The following BCL2L2 variants were observed in gnomAD, a reference collection of about 807,000 sequenced individuals.
BCL2L2 encodes the protein BCL2 like 2, also known as bcl-2-like protein 2.
A neutral mutation model predicts 14.6 loss-of-function variants in BCL2L2; 6 were observed. The ratio of observed to expected loss-of-function variants is 0.41; its 90% confidence interval spans 0.22 to 0.81. BCL2L2 has a LOEUF of 0.81. BCL2L2 is among the 30% of genes least tolerant of loss of function. The pLI, the probability that BCL2L2 is intolerant of heterozygous loss-of-function variation, is 0.32. For missense variants in BCL2L2, 191 were observed against 260.5 expected (o/e 0.73, Z 1.84); for synonymous variants, 90 against 108.5 (o/e 0.83, Z 1.06).
Position 23,310,779 on chromosome 14 carries a change from A to G in BCL2L2, c.*1814A>G. ...GGGGTTGCCTCAGGAGTCCTTGGGG[A>G]GATGAAGGGGGTGGGGAGCTGAGCA... is the stretch of plus-strand genomic sequence containing the variant. On this transcript the variant is annotated 3_prime_UTR_variant, in exon 4 of 4. Coordinates refer to ENST00000250405, the MANE Select transcript of BCL2L2 (RefSeq NM_004050.5). 1 of 1,194,328 alleles carries G rather than the reference A, an allele frequency of 8.4e-7. No homozygotes were observed. The highest frequency in any genetic ancestry group is 1.5e-5 in the South Asian group (1 of 65,904). The allele number at this position is 1,194,328 out of a possible 1,614,324, so 74.0% of individuals were successfully genotyped here. A position where few individuals can be genotyped will look rare whatever the true frequency, so the allele number is the denominator to read the frequency against.
chr14:23,309,448 T>A lies in BCL2L2; in HGVS notation c.*483T>A. On this transcript the variant is annotated 3_prime_UTR_variant, in exon 4 of 4. Coordinates refer to ENST00000250405, the MANE Select transcript of BCL2L2 (RefSeq NM_004050.5). ...GGACACGCGTGTGCATGTGCACGCA[T>A]GCTGGTGTGCATGCTGGGCTGCCTG... is the stretch of plus-strand genomic sequence containing the variant. The A allele has an allele frequency of 1.0e-6, 1 of 987,674 alleles. No homozygotes were observed. Among genetic ancestry groups the A allele is most frequent in the Non-Finnish European group, 1.2e-6 (1 of 831,424 alleles). The allele number at this position is 987,674 out of a possible 1,614,324, so 61.2% of individuals were successfully genotyped here.
rs879162142 is a variant in BCL2L2 at position 23,307,855 on chromosome 14, G to C, written c.88G>C (p.Gly30Arg). ...GCTGAGGCAGAAGGGTTATGTCTGT[G>C]GAGCTGGCCCCGGGGAGGGCCCAGC... ...YKLRQKGYVCGAGPGEGPAAD... is the reference protein window; with the variant it reads ...YKLRQKGYVCRAGPGEGPAAD... Residue 30 changes from glycine to arginine, a missense_variant, in exon 3 of 4, where the codon GGA becomes CGA. Gly to Arg is a moderately radical substitution (Grantham distance 125). Transcript: ENST00000250405. 1 of 1,609,866 alleles carries C rather than the reference G, an allele frequency of 6.2e-7. No homozygotes were observed. Among genetic ancestry groups the C allele is most frequent in the Non-Finnish European group, 8.5e-7 (1 of 1,178,304 alleles).
In BCL2L2 at chr14:23,311,075, G is replaced by T. The variant is rs1477149169; in HGVS notation, c.*2110G>T. ...AGAGGAGCTGCAGGGACCATGGCCA[G>T]GTTACCAAAATGCCCTGCTCTGAAG... On this transcript the variant is annotated 3_prime_UTR_variant, in exon 4 of 4. Transcript: ENST00000250405. The T allele has an allele frequency of 7.8e-7, 1 of 1,289,356 alleles. No individual in the cohort carries two copies. The highest frequency in any genetic ancestry group is 5.5e-5 in the East Asian group (1 of 18,028). 79.9% of individuals were successfully genotyped at this position (1,289,356 alleles called of 1,614,324 possible). A position where few individuals can be genotyped will look rare whatever the true frequency, so the allele number is the denominator to read the frequency against.
In BCL2L2 at chr14:23,309,650, C is replaced by T; in HGVS notation, c.*685C>T. Reference sequence around the variant, plus strand: ...AGACCGAGGGCTCTGCTGCTTCTTTCCAGAAAGTGATTGGCAAGGCTTTGG... The same window carrying T: ...AGACCGAGGGCTCTGCTGCTTCTTTTCAGAAAGTGATTGGCAAGGCTTTGG... On this transcript the variant is annotated 3_prime_UTR_variant, in exon 4 of 4. Transcript: ENST00000250405. The T allele has an allele frequency of 3.0e-6, 3 of 985,630 alleles. No individual in the cohort carries two copies. The highest frequency in any genetic ancestry group is 3.6e-6 in the Non-Finnish European group (3 of 830,054). 61.1% of individuals were successfully genotyped at this position (985,630 alleles called of 1,614,324 possible). A position where few individuals can be genotyped will look rare whatever the true frequency, so the allele number is the denominator to read the frequency against.
chr14:23,309,587 T>C lies in BCL2L2; in HGVS notation c.*622T>C. On this transcript the variant is annotated 3_prime_UTR_variant, in exon 4 of 4. Coordinates refer to ENST00000250405, the MANE Select transcript of BCL2L2 (RefSeq NM_004050.5). ...CAACCCCTCCTTTCCCCTGCCCTTGTCCTGATGCCTCAAGGCTTAGAGAGA... is the reference window on the plus strand; with the variant it reads ...CAACCCCTCCTTTCCCCTGCCCTTGCCCTGATGCCTCAAGGCTTAGAGAGA... The C allele has an allele frequency of 1.0e-6, 1 of 985,582 alleles. No homozygotes were observed. The highest frequency in any genetic ancestry group is 1.2e-6 in the Non-Finnish European group (1 of 830,002). 61.1% of individuals were successfully genotyped at this position (985,582 alleles called of 1,614,324 possible). A position where few individuals can be genotyped will look rare whatever the true frequency, so the allele number is the denominator to read the frequency against.
rs925523517 is a variant in BCL2L2 at position 23,310,542 on chromosome 14, C to T, written c.*1577C>T. ...ATTGGCCTCAGGTGTTGAGTCCAGA[C>T]TTCTGCTTTTGAGAGAGGGCTGCAC... is the stretch of plus-strand genomic sequence containing the variant. On this transcript the variant is annotated 3_prime_UTR_variant, in exon 4 of 4. Transcript: ENST00000250405. The T allele has an allele frequency of 1.3e-5, 14 of 1,058,868 alleles. No homozygotes were observed. In the East Asian group the frequency reaches 1.2e-3, roughly 89 times the overall value. 65.6% of individuals were successfully genotyped at this position (1,058,868 alleles called of 1,614,324 possible). A position where few individuals can be genotyped will look rare whatever the true frequency, so the allele number is the denominator to read the frequency against.
rs969788394 is a variant in BCL2L2 at position 23,309,630 on chromosome 14, G to A, written c.*665G>A. 5 of 985,444 alleles carry A rather than the reference G, an allele frequency of 5.1e-6. No individual in the cohort carries two copies. Among genetic ancestry groups the A allele is most frequent in the Non-Finnish European group, 6.0e-6 (5 of 830,036 alleles). 61.0% of individuals were successfully genotyped at this position (985,444 alleles called of 1,614,324 possible). On this transcript the variant is annotated 3_prime_UTR_variant, in exon 4 of 4. Coordinates refer to ENST00000250405, the MANE Select transcript of BCL2L2 (RefSeq NM_004050.5). The stretch of plus-strand genomic sequence containing the variant: ...TAGAGAGAAACATTGTATCCAGACC[G>A]AGGGCTCTGCTGCTTCTTTCCAGAA...
At position 23,310,423 on chromosome 14, in the gene BCL2L2, C is replaced by A; in HGVS notation, c.*1458C>A. On this transcript the variant is annotated 3_prime_UTR_variant, in exon 4 of 4. Coordinates refer to ENST00000250405, the MANE Select transcript of BCL2L2 (RefSeq NM_004050.5). ...CCTGCCTGTGGTCCTGAGCACTGATCACCTTAGCTAGACCATGGTTGACTC... is the reference window on the plus strand; with the variant it reads ...CCTGCCTGTGGTCCTGAGCACTGATAACCTTAGCTAGACCATGGTTGACTC... 3 of 1,002,658 alleles carry A rather than the reference C, an allele frequency of 3.0e-6. No individual in the cohort carries two copies. The highest frequency in any genetic ancestry group is 3.6e-6 in the Non-Finnish European group (3 of 840,606). 62.1% of individuals were successfully genotyped at this position (1,002,658 alleles called of 1,614,324 possible).
chr14:23,310,715 T>C lies in BCL2L2; in HGVS notation c.*1750T>C, dbSNP rs1378747519. The C allele has an allele frequency of 1.2e-5, 14 of 1,182,328 alleles. No individual in the cohort carries two copies. Among genetic ancestry groups the C allele is most frequent in the Non-Finnish European group, 1.5e-5 (14 of 940,262 alleles). The allele number at this position is 1,182,328 out of a possible 1,614,324, so 73.2% of individuals were successfully genotyped here. A position where few individuals can be genotyped will look rare whatever the true frequency, so the allele number is the denominator to read the frequency against. On this transcript the variant is annotated 3_prime_UTR_variant, in exon 4 of 4. Transcript: ENST00000250405. Reference sequence around the variant, plus strand: ...ACTTGCTCAGGACAAACTAGGCCAGTGGTTTTCAAACTGCTTGGCAGAGCC... The same window carrying C: ...ACTTGCTCAGGACAAACTAGGCCAGCGGTTTTCAAACTGCTTGGCAGAGCC...
intron 2 of BCL2L2, 76 bp downstream of exon 2, chr14:23,307,355 C>T (rs1887291757): frequency 6.4e-6 from 1 of 157,234 alleles, no homozygotes; most frequent in South Asian, 2.0e-4. Context: ...CATCTGCTCC[C>T]CCTCATCTTG....
At position 23,310,702 on chromosome 14, in the gene BCL2L2, C is replaced by T; in HGVS notation, c.*1737C>T. 8.5e-7 allele frequency: 1 copy of T among 1,176,066 alleles called. No homozygotes were observed. Among genetic ancestry groups the T allele is most frequent in the Non-Finnish European group, 1.1e-6 (1 of 937,492 alleles). The allele number at this position is 1,176,066 out of a possible 1,614,324, so 72.9% of individuals were successfully genotyped here. On this transcript the variant is annotated 3_prime_UTR_variant, in exon 4 of 4. Coordinates refer to ENST00000250405, the MANE Select transcript of BCL2L2 (RefSeq NM_004050.5). ...TGGGGGGTCTCTGACTTGCTCAGGACAAACTAGGCCAGTGGTTTTCAAACT... is the reference window on the plus strand; with the variant it reads ...TGGGGGGTCTCTGACTTGCTCAGGATAAACTAGGCCAGTGGTTTTCAAACT...
Position 23,307,909 on chromosome 14 carries a change from G to A in BCL2L2, c.142G>A (p.Ala48Thr), listed in dbSNP as rs1444977614. 2.4e-5 allele frequency: 38 copies of A among 1,613,434 alleles called. No individual in the cohort carries two copies. Among genetic ancestry groups the A allele is most frequent in the Non-Finnish European group, 3.2e-5 (38 of 1,179,822 alleles). Residue 48 changes from alanine (A) to threonine (T), a missense_variant, in exon 3 of 4, where the codon GCA (alanine) becomes ACA (threonine). Transcript: ENST00000250405. ...TGACCCGCTGCACCAAGCCATGCGG[G>A]CAGCTGGAGATGAGTTCGAGACCCG... ...AADPLHQAMR[A>T]AGDEFETRFR...
chr14:23,311,139 A>C lies in BCL2L2; in HGVS notation c.*2174A>C, dbSNP rs758326674. 6 of 1,287,248 alleles carry C rather than the reference A, an allele frequency of 4.7e-6. No individual in the cohort carries two copies. In the South Asian group the frequency reaches 7.4e-5, roughly 16 times the overall value. 79.7% of individuals were successfully genotyped at this position (1,287,248 alleles called of 1,614,324 possible). A position where few individuals can be genotyped will look rare whatever the true frequency, so the allele number is the denominator to read the frequency against. On this transcript the variant is annotated 3_prime_UTR_variant, in exon 4 of 4. Transcript: ENST00000250405. Reference sequence around the variant, plus strand: ...GTGGAAAGAGAGGCTGTTTTCTGAAAGGGTAAAGGGCTTGGTCTGGATTCC... The same window carrying C: ...GTGGAAAGAGAGGCTGTTTTCTGAACGGGTAAAGGGCTTGGTCTGGATTCC...
In BCL2L2 at chr14:23,308,565, T is replaced by A. The variant is rs1255430429; in HGVS notation, c.433-251T>A. Among the ~76,000 whole-genome samples the A allele has an allele frequency of 6.6e-6, 1 of 151,740 alleles. No homozygotes were observed. Among genetic ancestry groups the A allele is most frequent in the Non-Finnish European group, 1.5e-5 (1 of 67,934 alleles). The stretch of plus-strand genomic sequence containing the variant: ...AAAGGATGCTAGTTCTGAGCAGAAT[T>A]TTTCGCCAAGGAAAGGATGGAATTC... On this transcript the variant is annotated intron_variant, in intron 3 of 3. Transcript: ENST00000250405. The surrounding 1 kb of genome is among the most constrained non-coding windows in gnomAD (Gnocchi z 5.4).
rs2231302 is a variant in BCL2L2 at position 23,308,989 on chromosome 14, G to A, written c.*24G>A. On this transcript the variant is annotated 3_prime_UTR_variant, in exon 4 of 4. Coordinates refer to ENST00000250405, the MANE Select transcript of BCL2L2 (RefSeq NM_004050.5). The surrounding 1 kb of genome is among the most constrained non-coding windows in gnomAD (Gnocchi z 5.4). ...GAAAGTCCAGGGCCAGGTGGGGCTA[G>A]GTGTGGCTGGGGGCCAGGAGAGCAG... 41,683 of 1,320,960 alleles carry A rather than the reference G, an allele frequency of 0.032. 718 individuals carry two copies. The highest frequency in any genetic ancestry group is 0.079 in the Middle Eastern group (370 of 4,712). 81.8% of individuals were successfully genotyped at this position (1,320,960 alleles called of 1,614,324 possible). A position where few individuals can be genotyped will look rare whatever the true frequency, so the allele number is the denominator to read the frequency against.
Position 23,310,237 on chromosome 14 carries a change from C to T in BCL2L2, c.*1272C>T. The T allele has an allele frequency of 1.0e-6, 1 of 985,898 alleles. No individual in the cohort carries two copies. The highest frequency in any genetic ancestry group is 1.2e-6 in the Non-Finnish European group (1 of 829,960). 61.1% of individuals were successfully genotyped at this position (985,898 alleles called of 1,614,324 possible). On this transcript the variant is annotated 3_prime_UTR_variant, in exon 4 of 4. Coordinates refer to ENST00000250405, the MANE Select transcript of BCL2L2 (RefSeq NM_004050.5). Reference sequence around the variant, plus strand: ...GAGTCTGAGGATGTTAACTTTGGAACTCGCAGTCCTCTAGAACAGCTTCAG... The same window carrying T: ...GAGTCTGAGGATGTTAACTTTGGAATTCGCAGTCCTCTAGAACAGCTTCAG...
chr14:23,311,286 A>G lies in BCL2L2; in HGVS notation c.*2321A>G. 3.5e-6 allele frequency: 4 copies of G among 1,153,154 alleles called. No individual in the cohort carries two copies. The highest frequency in any genetic ancestry group is 4.3e-6 in the Non-Finnish European group (4 of 928,436). 71.4% of individuals were successfully genotyped at this position (1,153,154 alleles called of 1,614,324 possible). A position where few individuals can be genotyped will look rare whatever the true frequency, so the allele number is the denominator to read the frequency against. ...AAACTAGGGACTCTCTTCTAGAGCC[A>G]TATAGTTCCTTGGGATTAGCTCTTG... On this transcript the variant is annotated 3_prime_UTR_variant, in exon 4 of 4. Coordinates refer to ENST00000250405, the MANE Select transcript of BCL2L2 (RefSeq NM_004050.5).
chr14:23,309,007 G>A lies in BCL2L2; in HGVS notation c.*42G>A. 1 of 1,320,570 alleles carries A rather than the reference G, an allele frequency of 7.6e-7. No individual in the cohort carries two copies. Among genetic ancestry groups the A allele is most frequent in the Non-Finnish European group, 9.7e-7 (1 of 1,026,518 alleles). 81.8% of individuals were successfully genotyped at this position (1,320,570 alleles called of 1,614,324 possible). A position where few individuals can be genotyped will look rare whatever the true frequency, so the allele number is the denominator to read the frequency against. ...GGGGCTAGGTGTGGCTGGGGGCCAG[G>A]AGAGCAGGAACAGAACAGAGAAATG... On this transcript the variant is annotated 3_prime_UTR_variant, in exon 4 of 4. Transcript: ENST00000250405.
Position 23,309,701 on chromosome 14 carries a change from C to T in BCL2L2, c.*736C>T, listed in dbSNP as rs1221024141. On this transcript the variant is annotated 3_prime_UTR_variant, in exon 4 of 4. Coordinates refer to ENST00000250405, the MANE Select transcript of BCL2L2 (RefSeq NM_004050.5). ...AGAGAAGAGCAGTTCTGCAGCTGGC[C>T]TTGTTCCTTCATCATCCCCCTTCCT... 19 of 985,510 alleles carry T rather than the reference C, an allele frequency of 1.9e-5. No individual in the cohort carries two copies. Among genetic ancestry groups the T allele is most frequent in the South Asian group, 4.7e-5 (1 of 21,298 alleles). 61.0% of individuals were successfully genotyped at this position (985,510 alleles called of 1,614,324 possible). A position where few individuals can be genotyped will look rare whatever the true frequency, so the allele number is the denominator to read the frequency against.
Sources: allele counts gnomAD v4.1 joint callset (sites outside exome capture counted in the v4.1 genomes callset), GRCh38; gene constraint gnomAD v4.1.1; non-coding constraint Gnocchi (gnomAD v3.1); transcripts MANE v1.5; gene names NCBI Gene and HGNC (gene_info 2026-07-23, HGNC 2026-07-21).